ACSF3: variants seen among roughly 807,000 people sequenced by gnomAD.
ACSF3 encodes malonate--CoA ligase ACSF3, mitochondrial.
A neutral mutation model predicts 53.2 loss-of-function variants in ACSF3; 78 were observed. The observed-to-expected ratio is 1.47, with a 90% confidence interval of 1.22 to 1.77. ACSF3 has a LOEUF of 1.77. Ranked by LOEUF, ACSF3 falls within the 40% of genes most tolerant of loss-of-function variation. The probability of loss-of-function intolerance (pLI) is 0.00; values close to 1 mark genes in which losing one functional copy is unlikely to be tolerated. For synonymous variants in ACSF3, 414 were observed against 333.1 expected (o/e 1.24, Z -2.65); for missense variants, 937 against 771.1 (o/e 1.22, Z -2.55).
At chr16:89,102,441 C>G (rs1975456634) in intron 3 of ACSF3, 163 bp from the exon 4 acceptor site, 1 of 784,080 alleles carries the variant, frequency 1.3e-6, no homozygotes, top group African/African-American at 1.7e-5. Flanking sequence ...GTTTTGTCGT[C>G]ATCTTGAGAG....
chr16:89,117,334 G>C (rs1409016849), intron 6 of ACSF3, among the ~76,000 whole-genome samples: 4 of 152,226 alleles, frequency 2.6e-5, no homozygotes, highest in African/African-American at 9.7e-5. Flanking sequence ...CACGCGGCTG[G>C]TGAGTGATGC....
rs565951350 is a variant in ACSF3, at chr16:89,136,773, C to T, written c.1366+3511C>T. 17 of 1,287,282 alleles carry T rather than the reference C, an allele frequency of 1.3e-5. No individual in the cohort carries two copies. In the African/African-American group the frequency reaches 2.4e-4, roughly 18 times the overall value. The allele number at this position is 1,287,282 out of a possible 1,614,324, so 79.7% of individuals were successfully genotyped here. On this transcript the variant is annotated intron_variant, in intron 8 of 10. Transcript: ENST00000614302. The stretch of plus-strand genomic sequence containing the variant: ...TTCTGCCTCAAGATCACACAGCGGG[C>T]TTGTGAGGCCAGGGGTCTCCGCTGC...
rs373441358 is a variant in ACSF3, at chr16:89,101,269, C to A, written c.588C>A (p.Gly196=). Residue 196 remains glycine, a synonymous_variant, in exon 3 of 11, where the codon GGC becomes GGA. Coordinates refer to ENST00000614302, the MANE Select transcript of ACSF3 (RefSeq NM_001243279.3). ...CAGAGCAGGGATGGAGGAACAAGGGCGCCATGATCATCTACACCAGTGGGA... is the reference window on the plus strand; with the variant it reads ...CAGAGCAGGGATGGAGGAACAAGGGAGCCATGATCATCTACACCAGTGGGA... ...PVPEQGWRNK[G]AMIIYTSGTT... The A allele has an allele frequency of 1.2e-6, 2 of 1,601,154 alleles. No individual in the cohort carries two copies. Among genetic ancestry groups the A allele is most frequent in the South Asian group, 1.1e-5 (1 of 89,622 alleles).
chr16:89,120,052 C>A (rs1269091805), intron 6 of ACSF3, among the ~76,000 whole-genome samples: 1 of 152,248 alleles, frequency 6.6e-6, no homozygotes, highest in Non-Finnish European at 1.5e-5. Context: ...GGGCCGCACT[C>A]CATGAGCAGC....
rs1347288746 is a variant in ACSF3, at chr16:89,133,382, G to A, written c.1366+120G>A. The A allele has an allele frequency of 4.3e-6, 6 of 1,408,334 alleles. No homozygotes were observed. In the Admixed American group the frequency reaches 1.1e-4, roughly 27 times the overall value. The allele number at this position is 1,408,334 out of a possible 1,614,324, so 87.2% of individuals were successfully genotyped here. A position where few individuals can be genotyped will look rare whatever the true frequency, so the allele number is the denominator to read the frequency against. ...CCAGAATTTTCAGCCAAAGGCAGAA[G>A]ATGGGGTGGAGTGGGGCTGGGGGCC... is the stretch of plus-strand genomic sequence containing the variant. On this transcript the variant is annotated intron_variant, in intron 8 of 10. Coordinates refer to ENST00000614302, the MANE Select transcript of ACSF3 (RefSeq NM_001243279.3).
chr16:89,114,379 C>T lies in ACSF3; in HGVS notation c.1018C>T (p.Leu340=). Residue 340 remains leucine (L), a synonymous_variant, in exon 6 of 11, where the codon CTG becomes TTG. Coordinates refer to ENST00000614302, the MANE Select transcript of ACSF3 (RefSeq NM_001243279.3). ...SGSAALPLPV[L]EKWKNITGHT... Reference sequence around the variant, plus strand: ...CTCAGCTGCCCTGCCCCTCCCAGTGCTGGAGAAGTGGAAGAACATCACGGG... The same window carrying T: ...CTCAGCTGCCCTGCCCCTCCCAGTGTTGGAGAAGTGGAAGAACATCACGGG... 6.2e-7 allele frequency: 1 copy of T among 1,614,112 alleles called. No homozygotes were observed. Among genetic ancestry groups the T allele is most frequent in the Non-Finnish European group, 8.5e-7 (1 of 1,180,042 alleles).
chr16:89,140,039 G>A (rs1021461302), intron 8 of ACSF3, among the ~76,000 whole-genome samples: 2 of 152,226 alleles, frequency 1.3e-5, no homozygotes, highest in South Asian at 4.1e-4. Context: ...GTCTCAGGCC[G>A]TCACTGGGAC....
intron 1 of ACSF3, among the ~76,000 whole-genome samples, chr16:89,094,952 A>G (rs1224941964): frequency 2.0e-5 from 3 of 152,246 alleles, no homozygotes; most frequent in Non-Finnish European, 4.4e-5. Flanking sequence ...TGGAAGAATG[A>G]TTAGGAATTT....
intron 8 of ACSF3, among the ~76,000 whole-genome samples, chr16:89,142,680 C>T (rs1597234532): frequency 1.3e-5 from 2 of 149,466 alleles, no homozygotes; most frequent in South Asian, 4.2e-4. Flanking sequence ...CCTGCAGAGA[C>T]ACCCTCACCT....
intron 6 of ACSF3, among the ~76,000 whole-genome samples, chr16:89,117,849 G>C (rs1028148680): frequency 1.8e-4 from 28 of 151,624 alleles, no homozygotes; most frequent in African/African-American, 6.8e-4. Flanking sequence ...CAGGGTTATT[G>C]GGCAAGAAAC....
chr16:89,116,435 G>A (rs1905126560), intron 6 of ACSF3, among the ~76,000 whole-genome samples: 1 of 152,208 alleles, frequency 6.6e-6, no homozygotes, highest in African/African-American at 2.4e-5. Flanking sequence ...GAGTGTGAGG[G>A]CTGGCTGGCT....
intron 4 of ACSF3, among the ~76,000 whole-genome samples, chr16:89,105,969 G>A (rs1484714084): frequency 6.6e-6 from 1 of 152,258 alleles, no homozygotes; most frequent in Non-Finnish European, 1.5e-5. Context: ...AGCACTGCAT[G>A]AATGACACCA....
chr16:89,101,479 T>C (rs967889262), intron 3 of ACSF3, 132 bp downstream of exon 3: 167 of 1,517,726 alleles, frequency 1.1e-4, no homozygotes, highest in Non-Finnish European at 1.4e-4. Context: ...TGCAGACCCG[T>C]GTGAGATACA....
chr16:89,098,908 AAAAT>A (rs1194561575), intron 2 of ACSF3, 145 bp downstream of exon 2: 5 of 396,956 alleles, frequency 1.3e-5, no homozygotes, highest in African/African-American at 2.1e-5. Context: ...CATCATTGTC[AAAAT>A]AATACTTGTT....
rs375729407 is a variant in ACSF3, at chr16:89,145,411, C to T, written c.1501+10C>T. On this transcript the variant is annotated intron_variant, in intron 9 of 10. Transcript: ENST00000614302. ...CACCCCAGCATCACAGGTGCGTGGC[C>T]GGACTTGGGCCAGGGAGGCCAGGCT... The T allele has an allele frequency of 5.5e-5, 88 of 1,613,786 alleles. No individual in the cohort carries two copies. Among genetic ancestry groups the T allele is most frequent in the Non-Finnish European group, 7.2e-5 (85 of 1,179,988 alleles).
At chr16:89,137,677 G>A (rs1442451487) in intron 8 of ACSF3, among the ~76,000 whole-genome samples, 5 of 152,008 alleles carry the variant, frequency 3.3e-5, no homozygotes, top group African/African-American at 9.7e-5. Context: ...CAGGTCCCAG[G>A]AGGACCACCA....
In ACSF3 at chr16:89,145,528, C is replaced by T. The variant is rs910234420; in HGVS notation, c.1501+127C>T. Reference sequence around the variant, plus strand: ...CCTGCAGGGGTCCCTGTGATGCTCACCTCTGGTCCCTGCCCTGGCCAGGGA... The same window carrying T: ...CCTGCAGGGGTCCCTGTGATGCTCATCTCTGGTCCCTGCCCTGGCCAGGGA... On this transcript the variant is annotated intron_variant, in intron 9 of 10. Transcript: ENST00000614302. 6 of 1,177,758 alleles carry T rather than the reference C, an allele frequency of 5.1e-6. No individual in the cohort carries two copies. In the Admixed American group the frequency reaches 1.3e-4, roughly 25 times the overall value. The allele number at this position is 1,177,758 out of a possible 1,614,324, so 73.0% of individuals were successfully genotyped here.
In ACSF3 at chr16:89,156,100, G is replaced by A. The variant is rs1914673039; in HGVS notation, c.*1893G>A. On this transcript the variant is annotated 3_prime_UTR_variant, in exon 11 of 11. Coordinates refer to ENST00000614302, the MANE Select transcript of ACSF3 (RefSeq NM_001243279.3). The stretch of plus-strand genomic sequence containing the variant: ...AGCTGGTCCCTGTGCCAGGCTGGTC[G>A]GCCTTCGTGCACACAGTCCGCCAGT... Among the ~76,000 whole-genome samples the A allele has an allele frequency of 6.6e-6, 1 of 152,162 alleles. No individual in the cohort carries two copies. Among genetic ancestry groups the A allele is most frequent in the Non-Finnish European group, 1.5e-5 (1 of 68,018 alleles).
chr16:89,113,466 A>G (rs7186059), intron 5 of ACSF3: 110,710 of 152,216 alleles, frequency 0.73, 40,729 homozygotes, highest in Admixed American at 0.79. Context: ...GGCAGGCCCC[A>G]AGCTGAGCAG....
Sources: gnomAD v4.1 joint callset for allele counts (sites outside exome capture counted in the v4.1 genomes callset) on GRCh38, gnomAD v4.1.1 for gene constraint, MANE v1.5 for transcripts, NCBI Gene and HGNC (gene_info 2026-07-23, HGNC 2026-07-21) for gene names.